The following NEK7 variants were observed in gnomAD, a reference collection of about 807,000 sequenced individuals.
NEK7 encodes the protein NIMA related kinase 7, also known as serine/threonine-protein kinase Nek7.
Under a neutral mutation model 44.6 loss-of-function variants are expected in NEK7, and 18 were observed. The ratio of observed to expected loss-of-function variants is 0.40; its 90% CI spans 0.28 to 0.60. NEK7 has a LOEUF of 0.60. NEK7 is among the 20% of genes least tolerant of loss of function. The pLI, the probability that NEK7 is intolerant of heterozygous loss-of-function variation, is 0.38. For missense variants in NEK7, 256 were observed against 366.5 expected (o/e 0.70, Z 2.46); for synonymous variants, 130 against 121.1 (o/e 1.07, Z -0.48).
At chr1:198,234,375 A>G (rs1666489060) in intron 2 of NEK7, among the ~76,000 whole-genome samples, 1 of 152,142 alleles carries the variant, frequency 6.6e-6, no homozygotes, top group African/African-American at 2.4e-5. Flanking sequence ...TAATAAACAA[A>G]CATATCTATT....
intron 1 of NEK7, among the ~76,000 whole-genome samples, chr1:198,220,465 G>C (rs1261976776): frequency 6.6e-6 from 1 of 151,994 alleles, no homozygotes; most frequent in Non-Finnish European, 1.5e-5. Flanking sequence ...AAACATTCAT[G>C]GTTCTTTTCA....
chr1:198,157,648 C>A (rs1022686548), intron 1 of NEK7, among the ~76,000 whole-genome samples: 2 of 152,210 alleles, frequency 1.3e-5, no homozygotes, highest in African/African-American at 4.8e-5. Context: ...TGCTCATTGG[C>A]GACGTCGGTT....
chr1:198,184,403 A>T (rs924936718), intron 1 of NEK7, among the ~76,000 whole-genome samples: 1 of 152,176 alleles, frequency 6.6e-6, no homozygotes, highest in Non-Finnish European at 1.5e-5. Context: ...TTTGACAGAC[A>T]AATTTTACAT....
At chr1:198,183,314 T>C (rs747238562) in intron 1 of NEK7, among the ~76,000 whole-genome samples, 9 of 152,186 alleles carry the variant, frequency 5.9e-5, no homozygotes, top group Admixed American at 1.3e-4. Flanking sequence ...GGAACCATTC[T>C]GAGTACCTGC....
At chr1:198,272,608 A>G (rs1653890056) in intron 5 of NEK7, among the ~76,000 whole-genome samples, 1 of 151,788 alleles carries the variant, frequency 6.6e-6, no homozygotes, top group African/African-American at 2.4e-5. Context: ...TCGAAGACTG[A>G]CTGACTGTTC....
chr1:198,267,235 A>T (rs951006666), intron 5 of NEK7, among the ~76,000 whole-genome samples: 8 of 152,052 alleles, frequency 5.3e-5, no homozygotes, highest in Admixed American at 3.3e-4. Context: ...TGTTATTTTA[A>T]ACATATTTAC....
At chr1:198,173,120 C>T (rs1464475010) in intron 1 of NEK7, among the ~76,000 whole-genome samples, 1 of 152,086 alleles carries the variant, frequency 6.6e-6, no homozygotes, top group Non-Finnish European at 1.5e-5. Context: ...GGGCCTTGTC[C>T]ATTCTTTCCC....
intron 1 of NEK7, among the ~76,000 whole-genome samples, chr1:198,178,992 C>A: frequency 8.2e-6 from 1 of 121,814 alleles, no homozygotes. Flanking sequence ...CATTTGATAC[C>A]CCCCCCCTTT....
At chr1:198,205,229 C>G (rs1435544236) in intron 1 of NEK7, among the ~76,000 whole-genome samples, 1 of 152,184 alleles carries the variant, frequency 6.6e-6, no homozygotes, top group Non-Finnish European at 1.5e-5. Context: ...GCAGTTTTGG[C>G]AGGCATTGCC....
At chr1:198,302,024 TG>T (rs1654903846) in intron 9 of NEK7, among the ~76,000 whole-genome samples, 1 of 152,232 alleles carries the variant, frequency 6.6e-6, no homozygotes, top group African/African-American at 2.4e-5. Flanking sequence ...ACCAACAAAA[TG>T]TGATTTTGGA....
intron 2 of NEK7, among the ~76,000 whole-genome samples, chr1:198,241,810 C>T (rs1666692073): frequency 6.6e-6 from 1 of 152,122 alleles, no homozygotes; most frequent in African/African-American, 2.4e-5. Context: ...TGATATGGAG[C>T]TTTCAGTATG....
chr1:198,319,600 G>A lies in NEK7; in HGVS notation c.*78G>A. The A allele has an allele frequency of 1.4e-6, 2 of 1,422,086 alleles. No homozygotes were observed. Among genetic ancestry groups the A allele is most frequent in the Non-Finnish European group, 1.8e-6 (2 of 1,081,278 alleles). The allele number at this position is 1,422,086 out of a possible 1,614,324, so 88.1% of individuals were successfully genotyped here. ...AGTCATACCTCCCCATTTATGTCTG[G>A]TGTTAAGATTAATATTTCAGAGCTA... On this transcript the variant is annotated 3_prime_UTR_variant, in exon 10 of 10. Transcript: ENST00000367385.
chr1:198,185,944 A>C (rs1213201344), intron 1 of NEK7, among the ~76,000 whole-genome samples: 1 of 152,220 alleles, frequency 6.6e-6, no homozygotes, highest in Non-Finnish European at 1.5e-5. Flanking sequence ...TGAAATATTA[A>C]AAGTGAAAAT....
At chr1:198,279,279 G>GT (rs1654116576) in intron 7 of NEK7, among the ~76,000 whole-genome samples, 1 of 150,902 alleles carries the variant, frequency 6.6e-6, no homozygotes, top group Non-Finnish European at 1.5e-5. Context: ...CAGACACTGA[G>GT]TTAAAAAAAA....
intron 3 of NEK7, chr1:198,256,312 GGCCATTTTCCTGCAGGTTT>G (rs756623191): frequency 1.9e-6 from 3 of 1,595,722 alleles, no homozygotes; most frequent in Non-Finnish European, 2.6e-6. Flanking sequence ...GTTCAGCTCT[GGCCATTTTCCTGCAGGTTT>G]GCCTGTTACC....
chr1:198,274,456 G>C (rs1035685254), intron 5 of NEK7, among the ~76,000 whole-genome samples: 4 of 151,630 alleles, frequency 2.6e-5, no homozygotes, highest in Non-Finnish European at 5.9e-5. Flanking sequence ...GACCCTGATA[G>C]TTCCAGATAT....
chr1:198,310,870 G>A (rs1655161286), intron 9 of NEK7, among the ~76,000 whole-genome samples: 1 of 151,476 alleles, frequency 6.6e-6, no homozygotes, highest in Non-Finnish European at 1.5e-5. Context: ...GTCAGGTAGT[G>A]TGATGCCTCC....
At chr1:198,282,141 TACTC>T (rs537647757) in intron 7 of NEK7, among the ~76,000 whole-genome samples, 2 of 152,114 alleles carry the variant, frequency 1.3e-5, no homozygotes, top group South Asian at 4.1e-4. Flanking sequence ...CCCTCATCCT[TACTC>T]AACAATTACT....
At chr1:198,231,954 G>A (rs1234461286) in intron 1 of NEK7, among the ~76,000 whole-genome samples, 1 of 152,088 alleles carries the variant, frequency 6.6e-6, no homozygotes, top group Non-Finnish European at 1.5e-5. Context: ...AGGGCTGTGT[G>A]TCATTAAATA....
Sources: gnomAD v4.1 joint callset for allele counts (sites outside exome capture counted in the v4.1 genomes callset) on GRCh38, gnomAD v4.1.1 for gene constraint, MANE v1.5 for transcripts, NCBI Gene and HGNC (gene_info 2026-07-23, HGNC 2026-07-21) for gene names.